Variants in SEMA3A observed in about 807,000 individuals in gnomAD.
SEMA3A encodes semaphorin 3A, also known as semaphorin-3A.
In SEMA3A, 29 loss-of-function variants were observed where a neutral mutation model predicts 97.9. The observed-to-expected ratio is 0.30, with a 90% CI of 0.22 to 0.40. SEMA3A has a LOEUF of 0.40. SEMA3A is among the 10% of genes least tolerant of loss of function. SEMA3A has a pLI of 1.00. For missense variants in SEMA3A, 763 were observed against 951.3 expected, an observed-to-expected ratio of 0.80 and a Z score of 2.60; for synonymous variants, 321 against 323.7, an observed-to-expected ratio of 0.99 and a Z score of 0.09.
intron 1 of SEMA3A, among the ~76,000 whole-genome samples, chr7:84,478,078 C>A (rs1263700472): frequency 6.6e-6 from 1 of 152,146 alleles, no homozygotes; most frequent in East Asian, 1.9e-4. Flanking sequence ...TGAGATTTCA[C>A]ATTCGTTAAA....
chr7:84,284,316 T>C (rs1468927352), intron 3 of SEMA3A, among the ~76,000 whole-genome samples: 1 of 152,194 alleles, frequency 6.6e-6, no homozygotes, highest in Admixed American at 6.5e-5. Flanking sequence ...CTAGTTCTCC[T>C]GACAGTCAAA....
chr7:84,428,844 T>C (rs1804894940), intron 1 of SEMA3A, among the ~76,000 whole-genome samples: 1 of 152,092 alleles, frequency 6.6e-6, no homozygotes, highest in African/African-American at 2.4e-5. Flanking sequence ...TGGGATTAAA[T>C]TCTTTGACTA....
intron 3 of SEMA3A, among the ~76,000 whole-genome samples, chr7:84,294,558 G>A (rs539187739): frequency 1.2e-4 from 19 of 152,016 alleles, no homozygotes; most frequent in Admixed American, 4.6e-4. Context: ...AGAAGTGGGC[G>A]CTCTGCCATT....
At chr7:84,210,505 T>A (rs1648762307) in intron 3 of SEMA3A, among the ~76,000 whole-genome samples, 1 of 151,966 alleles carries the variant, frequency 6.6e-6, no homozygotes, top group Non-Finnish European at 1.5e-5. Context: ...TGCAAATAAA[T>A]AGGAGAGAAA....
chr7:84,099,199 T>C lies in SEMA3A; in HGVS notation c.453+11271A>G, dbSNP rs1372544006. Among the ~76,000 whole-genome samples the C allele has an allele frequency of 2.8e-5, 3 of 109,044 alleles. 1 individual carries two copies. Among genetic ancestry groups the C allele is most frequent in the African/African-American group, 8.2e-5 (3 of 36,752 alleles). 71.5% of individuals were successfully genotyped at this position (109,044 alleles called of 152,430 possible). ...CATTCTCCTGCCTCAGCCTCCCGAG[T>C]AGCTGGGACTACAGGCGCCCGCTAC... On this transcript the variant is annotated intron_variant, in intron 4 of 16. Coordinates refer to ENST00000265362, the MANE Select transcript of SEMA3A (RefSeq NM_006080.3).
At chr7:84,149,689 T>A (rs1293435040) in intron 1 of SEMA3A, among the ~76,000 whole-genome samples, 1 of 152,208 alleles carries the variant, frequency 6.6e-6, no homozygotes, top group Non-Finnish European at 1.5e-5. Flanking sequence ...TGTGTACCAC[T>A]GACAAAGGCA....
At chr7:84,230,955 AC>A (rs1799103484) in intron 3 of SEMA3A, among the ~76,000 whole-genome samples, 1 of 151,610 alleles carries the variant, frequency 6.6e-6, no homozygotes, top group Non-Finnish European at 1.5e-5. Flanking sequence ...TTTACAGTTT[AC>A]CCCCCAATCT....
intron 2 of SEMA3A, among the ~76,000 whole-genome samples, chr7:84,370,767 T>C (rs1802953636): frequency 6.6e-6 from 1 of 151,592 alleles, no homozygotes; most frequent in South Asian, 2.1e-4. Context: ...AGATGTAAAG[T>C]TTCTTTAGGG....
At chr7:84,266,935 T>C (rs1800021441) in intron 3 of SEMA3A, among the ~76,000 whole-genome samples, 1 of 152,136 alleles carries the variant, frequency 6.6e-6, no homozygotes, top group East Asian at 1.9e-4. Flanking sequence ...ATGGAAATCG[T>C]TTTATATTCT....
At chr7:84,417,557 T>A (rs540346838) in intron 1 of SEMA3A, among the ~76,000 whole-genome samples, 3 of 152,134 alleles carry the variant, frequency 2.0e-5, no homozygotes, top group Non-Finnish European at 4.4e-5. Flanking sequence ...AAGTTTTAAA[T>A]TTTTTAGTGA....
At chr7:84,108,290 G>A (rs1226133260) in intron 4 of SEMA3A, among the ~76,000 whole-genome samples, 2 of 151,782 alleles carry the variant, frequency 1.3e-5, no homozygotes. Flanking sequence ...TGCAGTCTGA[G>A]GCTAGAGGAT....
At chr7:84,270,248 A>G (rs671711) in intron 3 of SEMA3A, among the ~76,000 whole-genome samples, 1 of 151,752 alleles carries the variant, frequency 6.6e-6, no homozygotes, top group South Asian at 2.1e-4. Context: ...CTTGGAATAA[A>G]GGAAAATAAA....
At chr7:84,422,055 T>C (rs963469707) in intron 1 of SEMA3A, among the ~76,000 whole-genome samples, 2 of 152,094 alleles carry the variant, frequency 1.3e-5, no homozygotes, top group African/African-American at 4.8e-5. Flanking sequence ...GAGGAATCTT[T>C]CTTTTTTATT....
intron 1 of SEMA3A, among the ~76,000 whole-genome samples, chr7:84,474,651 T>C (rs1028082944): frequency 7.9e-5 from 12 of 152,170 alleles, no homozygotes; most frequent in African/African-American, 2.9e-4. Flanking sequence ...GACAGTTTTA[T>C]AGAGTGCTTC....
chr7:84,334,029 T>A (rs922384146), intron 2 of SEMA3A, among the ~76,000 whole-genome samples: 14 of 152,176 alleles, frequency 9.2e-5, no homozygotes, highest in African/African-American at 3.4e-4. Context: ...TGTTTCATTT[T>A]CTTACAATTG....
intron 9 of SEMA3A, among the ~76,000 whole-genome samples, chr7:84,008,098 A>G (rs977799395): frequency 6.6e-6 from 1 of 152,232 alleles, no homozygotes; most frequent in African/African-American, 2.4e-5. Flanking sequence ...GTTAAAGTGG[A>G]GAATTACAGC....
chr7:84,373,770 T>C (rs1562924119), intron 1 of SEMA3A, among the ~76,000 whole-genome samples: 2 of 152,312 alleles, frequency 1.3e-5, no homozygotes, highest in East Asian at 3.9e-4. Context: ...TTAATAATAA[T>C]AACATTCAAT....
intron 3 of SEMA3A, among the ~76,000 whole-genome samples, chr7:84,291,778 G>A (rs1053417706): frequency 2.0e-5 from 3 of 152,130 alleles, no homozygotes; most frequent in Non-Finnish European, 4.4e-5. Context: ...GTTCAAAAGT[G>A]AAAAGCCTCT....
intron 3 of SEMA3A, among the ~76,000 whole-genome samples, chr7:84,281,204 C>G (rs774091903): frequency 6.6e-6 from 1 of 152,086 alleles, no homozygotes; most frequent in Non-Finnish European, 1.5e-5. Flanking sequence ...TAACCCATTT[C>G]TGATAGAAGA....
Sources: gnomAD v4.1 joint callset for allele counts (sites outside exome capture counted in the v4.1 genomes callset) on GRCh38, gnomAD v4.1.1 for gene constraint, MANE v1.5 for transcripts, NCBI Gene and HGNC (gene_info 2026-07-23, HGNC 2026-07-21) for gene names.